The following CTSH variants were observed in gnomAD, a reference collection of about 807,000 sequenced individuals.
CTSH encodes pro-cathepsin H.
CTSH carries 52 observed loss-of-function variants against 56.3 expected under a neutral mutation model. The ratio of observed to expected loss-of-function variants is 0.92; its 90% CI spans 0.74 to 1.16. The LOEUF (loss-of-function observed/expected upper bound fraction) is 1.16. Among genes scored for constraint, CTSH ranks in the 50% most tolerant of loss-of-function variants. The pLI, the probability that CTSH is intolerant of heterozygous loss-of-function variation, is 0.00. For missense variants in CTSH, 406 were observed against 424.5 expected, an observed-to-expected ratio of 0.96 and a Z score of 0.38; for synonymous variants, 174 against 155.7, an observed-to-expected ratio of 1.12 and a Z score of -0.88.
At chr15:78,935,834 G>T in intron 3 of CTSH, 84 bp from the exon 4 acceptor site, 2 of 952,040 alleles carry the variant, frequency 2.1e-6, no homozygotes, top group Non-Finnish European at 1.7e-6. Context: ...GAAACCTCCT[G>T]TTTACCTGTG....
chr15:78,937,108 C>T, intron 3 of CTSH: 1 of 558,604 alleles, frequency 1.8e-6, no homozygotes, highest in Non-Finnish European at 3.2e-6. Context: ...GTAAACTTCA[C>T]AACCACCCAG....
chr15:78,922,936 G>A (rs1819107261), intron 11 of CTSH, 57 bp downstream of exon 11: 4 of 1,555,970 alleles, frequency 2.6e-6, no homozygotes, highest in Non-Finnish European at 3.5e-6. Flanking sequence ...ATGCCCCCAG[G>A]GCCTCCAGGC....
rs374276157 is a variant in CTSH, at chr15:78,931,520, A to G, written c.493-14T>C. On this transcript the variant is annotated splice_polypyrimidine_tract_variant and intron_variant, in intron 6 of 11. Coordinates refer to ENST00000220166, the MANE Select transcript of CTSH (RefSeq NM_004390.5). The stretch of plus-strand genomic sequence containing the variant: ...CTGCTGTTCCGCCTGGAAGAAGGAC[A>G]CAACCCAGTGACCTGCCAGCTGAGA... 1 of 1,614,138 alleles carries G rather than the reference A, an allele frequency of 6.2e-7. No homozygotes were observed. Among genetic ancestry groups the G allele is most frequent in the African/African-American group, 1.3e-5 (1 of 74,948 alleles).
chr15:78,931,395 C>A (rs778855913), intron 7 of CTSH, 56 bp downstream of exon 7: 19 of 1,608,226 alleles, frequency 1.2e-5, no homozygotes, highest in Non-Finnish European at 1.6e-5. Flanking sequence ...TGGATCCTGT[C>A]GAAGCGGTCA....
In CTSH at chr15:78,929,137, G is replaced by A. The variant is rs888500657; in HGVS notation, c.630+275C>T. Among the ~76,000 whole-genome samples the A allele has an allele frequency of 8.5e-5, 13 of 152,216 alleles. No homozygotes were observed. The East Asian group carries it at 1.9e-3, about 23-fold the overall frequency. On this transcript the variant is annotated intron_variant, in intron 8 of 11. Transcript: ENST00000220166. The stretch of plus-strand genomic sequence containing the variant: ...GCCAGGAAGATGGGGCAGGTGGGGG[G>A]AAGGAGGGGTCCTGAGAAGTCTGGC...
intron 5 of CTSH, 48 bp downstream of exon 5, chr15:78,934,930 G>T: frequency 1.7e-6 from 2 of 1,202,346 alleles, no homozygotes; most frequent in Non-Finnish European, 2.5e-6. Flanking sequence ...TGTATTGTCT[G>T]GGAGTGTGGC....
intron 1 of CTSH, among the ~76,000 whole-genome samples, chr15:78,942,986 C>T (rs1037691346): frequency 1.3e-5 from 2 of 152,038 alleles, no homozygotes; most frequent in Admixed American, 1.3e-4. Context: ...CAGGGGATTC[C>T]AGATCTTGAT....
At chr15:78,922,852 C>T in intron 11 of CTSH, 141 bp downstream of exon 11, 5 of 990,994 alleles carry the variant, frequency 5.0e-6, no homozygotes, top group South Asian at 1.8e-5. Flanking sequence ...TCTCATGCTC[C>T]CTTTCCCCCT....
chr15:78,938,021 T>C (rs2141550221), intron 2 of CTSH, among the ~76,000 whole-genome samples: 1 of 152,318 alleles, frequency 6.6e-6, no homozygotes, highest in East Asian at 1.9e-4. Context: ...AAAATAATGA[T>C]TGCTTACTAC....
In CTSH at chr15:78,932,167, T is replaced by C. The variant is rs59238093; in HGVS notation, c.492+205A>G. 0.02 allele frequency: 19,272 copies of C among 952,006 alleles called. 2,599 individuals are homozygous for C. In the East Asian group the frequency reaches 0.35, roughly 17 times the overall value. The allele number at this position is 952,006 out of a possible 1,614,324, so 59.0% of individuals were successfully genotyped here. A position where few individuals can be genotyped will look rare whatever the true frequency, so the allele number is the denominator to read the frequency against. On this transcript the variant is annotated intron_variant, in intron 6 of 11. Coordinates refer to ENST00000220166, the MANE Select transcript of CTSH (RefSeq NM_004390.5). ...CCAGATCCATCTAGGAATGAGCCCT[T>C]GGGCCGGTTCCTTAATAAACTCAGA...
At chr15:78,941,820 T>C (rs987492398) in intron 1 of CTSH, among the ~76,000 whole-genome samples, 4 of 151,956 alleles carry the variant, frequency 2.6e-5, no homozygotes, top group African/African-American at 4.8e-5. Flanking sequence ...AAATTTATTC[T>C]GGATTGAGTA....
At chr15:78,922,252 C>G (rs748184618) in intron 11 of CTSH, 47 bp from the exon 12 acceptor site, 3 of 1,481,964 alleles carry the variant, frequency 2.0e-6, no homozygotes, top group East Asian at 2.4e-5. Flanking sequence ...CTCCCCACCA[C>G]AGGCCTTTCT....
intron 2 of CTSH, chr15:78,937,872 T>C (rs570203206): frequency 8.5e-7 from 1 of 1,172,310 alleles, no homozygotes; most frequent in Admixed American, 2.3e-5. Context: ...CTGATGTACT[T>C]TTTTTGGTAA....
At chr15:78,932,286 T>C in intron 6 of CTSH, 86 bp downstream of exon 6, 1 of 1,240,594 alleles carries the variant, frequency 8.1e-7, no homozygotes, top group Non-Finnish European at 1.2e-6. Context: ...CCTTAGCCAA[T>C]GCTCCAGGGA....
intron 7 of CTSH, among the ~76,000 whole-genome samples, chr15:78,930,175 T>C (rs143485361): frequency 1.2e-4 from 18 of 152,344 alleles, no homozygotes; most frequent in African/African-American, 4.3e-4. Context: ...TGCTCTGTGA[T>C]ATTTGTTGTA....
intron 11 of CTSH, 97 bp downstream of exon 11, chr15:78,922,896 T>A (rs2289691): frequency 6.9e-7 from 1 of 1,444,844 alleles, no homozygotes; most frequent in Non-Finnish European, 9.3e-7. Flanking sequence ...CCAGCTCGTC[T>A]GTGGAAGCCG....
rs1269004966 is a variant in CTSH, at chr15:78,925,330, T to C, written c.806+4A>G. The C allele has an allele frequency of 3.1e-6, 5 of 1,591,114 alleles. No individual in the cohort carries two copies. The highest frequency in any genetic ancestry group is 3.4e-6 in the Non-Finnish European group (4 of 1,159,482). ...CCCTCCTGGCTCCTGGGACCCTGAC[T>C]CACCTGGAGTAGATGCCGGTTCTAT... On this transcript the variant is annotated splice_donor_region_variant and intron_variant, in intron 10 of 11. Coordinates refer to ENST00000220166, the MANE Select transcript of CTSH (RefSeq NM_004390.5).
chr15:78,930,657 C>T (rs2055036269), intron 7 of CTSH, among the ~76,000 whole-genome samples: 2 of 152,118 alleles, frequency 1.3e-5, no homozygotes, highest in African/African-American at 4.8e-5. Flanking sequence ...TGGAAACAGA[C>T]CAAAAGTAAG....
intron 6 of CTSH, 71 bp downstream of exon 6, chr15:78,932,300 CA>C: frequency 7.1e-7 from 1 of 1,416,940 alleles, no homozygotes; most frequent in South Asian, 1.2e-5. Context: ...CCAGGGAAAC[CA>C]AAGGCCCAGG....
Sources: gnomAD v4.1 joint callset for allele counts (sites outside exome capture counted in the v4.1 genomes callset) on GRCh38, gnomAD v4.1.1 for gene constraint, MANE v1.5 for transcripts, NCBI Gene and HGNC (gene_info 2026-07-23, HGNC 2026-07-21) for gene names.